Variants in APAF1 observed in about 807,000 individuals in gnomAD.
APAF1 encodes the protein apoptotic peptidase activating factor 1, also known as apoptotic protease-activating factor 1.
Under a neutral mutation model 152.4 loss-of-function variants are expected in APAF1, and 91 were observed. The ratio of observed to expected loss-of-function variants is 0.60; its 90% CI spans 0.50 to 0.71. The LOEUF (loss-of-function observed/expected upper bound fraction) is 0.71, where lower values mean the gene tolerates loss of function less well. APAF1 is among the 30% of genes least tolerant of loss of function. The pLI is 0.00. For missense variants in APAF1, 1,283 were observed against 1,472.0 expected, an observed-to-expected ratio of 0.87 and a Z score of 2.10; for synonymous variants, 484 against 494.1, an observed-to-expected ratio of 0.98 and a Z score of 0.27.
chr12:98,676,148 A>G (rs1363354838), intron 12 of APAF1, among the ~76,000 whole-genome samples: 2 of 152,196 alleles, frequency 1.3e-5, no homozygotes, highest in Non-Finnish European at 2.9e-5. Flanking sequence ...AACGTATATG[A>G]AATTCTGTCA....
chr12:98,679,590 A>G (rs1359156347), intron 13 of APAF1, among the ~76,000 whole-genome samples: 3 of 152,256 alleles, frequency 2.0e-5, no homozygotes, highest in Non-Finnish European at 4.4e-5. Flanking sequence ...AGTGAAGATA[A>G]GTAAAGAAAA....
intron 1 of APAF1, among the ~76,000 whole-genome samples, chr12:98,647,270 TAAGAC>T (rs1218347925): frequency 2.1e-5 from 3 of 141,780 alleles, no homozygotes; most frequent in African/African-American, 5.1e-5. Context: ...AAAAAAAAAA[TAAGAC>T]AAGGTGGGGG....
At chr12:98,686,919 T>A (rs747618944) in intron 16 of APAF1, 46 bp downstream of exon 16, 2 of 1,583,166 alleles carry the variant, frequency 1.3e-6, no homozygotes, top group South Asian at 2.3e-5. Context: ...TTATGGAAAG[T>A]CTTATGATTT....
rs978521235 is a variant in APAF1, at chr12:98,698,988, A to G, written c.2305-420A>G. 4.6e-5 allele frequency among the ~76,000 whole-genome samples: 7 copies of G among 152,196 alleles called. No homozygotes were observed. The East Asian group carries it at 7.7e-4, about 17-fold the overall frequency. ...TCTGCTAGGTCACGACCTAACTTGGACTGGGTCCTGTGTAGTCTTCCTGCT... is the reference window on the plus strand; with the variant it reads ...TCTGCTAGGTCACGACCTAACTTGGGCTGGGTCCTGTGTAGTCTTCCTGCT... On this transcript the variant is annotated intron_variant, in intron 16 of 26. Coordinates refer to ENST00000551964, the MANE Select transcript of APAF1 (RefSeq NM_181861.2).
chr12:98,657,374 A>C (rs978220829), intron 4 of APAF1, among the ~76,000 whole-genome samples: 31 of 152,298 alleles, frequency 2.0e-4, no homozygotes, highest in Middle Eastern at 3.4e-3. Flanking sequence ...ATCTGGAGTG[A>C]AAACCGATTT....
At chr12:98,687,220 G>C (rs537214297) in intron 16 of APAF1, among the ~76,000 whole-genome samples, 24 of 152,208 alleles carry the variant, frequency 1.6e-4, no homozygotes, top group Middle Eastern at 6.8e-3. Context: ...AAAATTAGCT[G>C]GGTGTGGTGG....
At position 98,685,081 on chromosome 12, in the gene APAF1, A is replaced by G. The variant is rs147031167; in HGVS notation, c.2179-1667A>G. Among the ~76,000 whole-genome samples the G allele has an allele frequency of 3.1e-3, 471 of 152,354 alleles. 4 individuals carry two copies. The highest frequency in any genetic ancestry group is 0.011 in the African/African-American group (452 of 41,592). The stretch of plus-strand genomic sequence containing the variant: ...TCAAAGATAGAAGTGGACATGAGGA[A>G]CAGTATATATCTCACTTACTAATCA... On this transcript the variant is annotated intron_variant, in intron 15 of 26. Transcript: ENST00000551964.
chr12:98,717,109 C>T (rs1565891667), intron 22 of APAF1, among the ~76,000 whole-genome samples: 1 of 151,810 alleles, frequency 6.6e-6, no homozygotes, highest in Non-Finnish European at 1.5e-5. Context: ...ACCTTGTGAT[C>T]CGCCCGCCTC....
At chr12:98,702,798 G>T (rs1013669221) in intron 17 of APAF1, among the ~76,000 whole-genome samples, 1 of 149,240 alleles carries the variant, frequency 6.7e-6, no homozygotes, top group East Asian at 2.0e-4. Flanking sequence ...CTGAGATTAC[G>T]CTATTGCACT....
intron 22 of APAF1, among the ~76,000 whole-genome samples, chr12:98,719,636 G>A (rs1190413345): frequency 6.6e-6 from 1 of 151,918 alleles, no homozygotes; most frequent in African/African-American, 2.4e-5. Context: ...ACAAGCGTAA[G>A]CCACCACGCC....
rs1318514424 is a variant in APAF1, at chr12:98,662,478, G to C, written c.733G>C (p.Val245Leu). The C allele has an allele frequency of 6.2e-7, 1 of 1,613,144 alleles. No individual in the cohort carries two copies. Residue 245 changes from valine to leucine, a missense_variant, in exon 6 of 27, where the codon GTT (valine) becomes CTT (leucine). Physicochemically the swap from Val to Leu is conservative, Grantham distance 32 (BLOSUM62 1). Coordinates refer to ENST00000551964, the MANE Select transcript of APAF1 (RefSeq NM_181861.2). ...TAGGTCTCTCTTGATCTTGGATGAT[G>C]TTTGGGACTCTTGGGTGTTGAAAGC... ...HPRSLLILDDVWDSWVLKAFD... is the reference protein window; with the variant it reads ...HPRSLLILDDLWDSWVLKAFD...
chr12:98,725,945 A>G (rs747226252), intron 25 of APAF1, among the ~76,000 whole-genome samples: 2 of 152,134 alleles, frequency 1.3e-5, no homozygotes, highest in Non-Finnish European at 2.9e-5. Flanking sequence ...GAAAGAAAAG[A>G]TCTCTTTAGC....
chr12:98,697,154 C>T (rs191542921), intron 16 of APAF1, among the ~76,000 whole-genome samples: 52 of 152,282 alleles, frequency 3.4e-4, no homozygotes, highest in African/African-American at 1.3e-3. Context: ...GAGTGTTCCC[C>T]TGTCTTTTTG....
intron 19 of APAF1, among the ~76,000 whole-genome samples, chr12:98,707,461 C>T (rs1295078596): frequency 3.9e-5 from 6 of 152,080 alleles, no homozygotes; most frequent in Non-Finnish European, 7.4e-5. Context: ...AATTCTATGT[C>T]ATTTTCTAGT....
chr12:98,646,413 C>T (rs1026793095), intron 1 of APAF1, among the ~76,000 whole-genome samples: 2 of 152,196 alleles, frequency 1.3e-5, no homozygotes, highest in African/African-American at 4.8e-5. Flanking sequence ...AGGCAAATGC[C>T]CTACGTCCGT....
chr12:98,687,914 C>T (rs977758259), intron 16 of APAF1, among the ~76,000 whole-genome samples: 1 of 151,988 alleles, frequency 6.6e-6, no homozygotes, highest in Non-Finnish European at 1.5e-5. Flanking sequence ...TGGGTTCAAG[C>T]GATTCTCGTG....
intron 10 of APAF1, among the ~76,000 whole-genome samples, chr12:98,669,790 C>T (rs1334038021): frequency 6.6e-6 from 1 of 152,048 alleles, no homozygotes; most frequent in Non-Finnish European, 1.5e-5. Context: ...CAGAAGGGTA[C>T]CCTGTTTTAC....
chr12:98,694,106 T>C (rs1425637613), intron 16 of APAF1, among the ~76,000 whole-genome samples: 1 of 152,174 alleles, frequency 6.6e-6, no homozygotes, highest in Non-Finnish European at 1.5e-5. Context: ...CCTTTACCTT[T>C]TACCACATGT....
intron 17 of APAF1, among the ~76,000 whole-genome samples, chr12:98,702,397 T>C (rs540128016): frequency 6.6e-6 from 1 of 152,280 alleles, no homozygotes; most frequent in Admixed American, 6.5e-5. Context: ...CACTGGAAGC[T>C]TTTTTGTTTC....
Sources: allele counts gnomAD v4.1 joint callset (sites outside exome capture counted in the v4.1 genomes callset), GRCh38; gene constraint gnomAD v4.1.1; transcripts MANE v1.5; gene names NCBI Gene and HGNC (gene_info 2026-07-23, HGNC 2026-07-21).